The following ADHFE1 variants were observed in gnomAD, a reference collection of about 807,000 sequenced individuals.
ADHFE1 encodes alcohol dehydrogenase iron containing 1.
ADHFE1 carries 37 observed loss-of-function variants against 54.8 expected under a neutral mutation model. That is an observed-to-expected ratio of 0.68 (90% CI 0.52 to 0.89). ADHFE1 has a LOEUF of 0.89. Among genes scored for constraint, ADHFE1 ranks in the 40% least tolerant of loss-of-function variants. ADHFE1 has a pLI of 0.00. For missense variants in ADHFE1, 601 were observed against 591.2 expected (o/e 1.02, Z -0.17); for synonymous variants, 203 against 229.3 (o/e 0.89, Z 1.04).
intron 13 of ADHFE1, 127 bp from the exon 14 acceptor site, chr8:66,468,142 C>A: frequency 1.6e-6 from 1 of 624,902 alleles, no homozygotes; most frequent in Non-Finnish European, 2.8e-6. Flanking sequence ...ACAAGAAATA[C>A]CGTTTTTAAA....
intron 9 of ADHFE1, among the ~76,000 whole-genome samples, chr8:66,452,996 C>T (rs181028376): frequency 2.0e-5 from 3 of 152,336 alleles, no homozygotes; most frequent in Admixed American, 6.5e-5. Context: ...ACAAAGGAGC[C>T]TTGGAATTGC....
In ADHFE1 at chr8:66,444,728, A is replaced by C. The variant is rs1165814396; in HGVS notation, c.333A>C (p.Arg111Ser). 1 of 1,614,138 alleles carries C rather than the reference A, an allele frequency of 6.2e-7. No homozygotes were observed. The highest frequency in any genetic ancestry group is 8.5e-7 in the Non-Finnish European group (1 of 1,180,032). ...GIPFTVYDNV[R>S]VEPTDSSFME... ...CCTTTACGGTTTATGATAATGTGAG[A>C]GTGGAACCAACGGATTCAAGGTATT... Residue 111 changes from arginine to serine, a missense_variant, in exon 5 of 14, where the codon AGA becomes AGC. Coordinates refer to ENST00000396623, the MANE Select transcript of ADHFE1 (RefSeq NM_144650.3).
chr8:66,443,981 C>G (rs1805898759), intron 3 of ADHFE1, among the ~76,000 whole-genome samples: 1 of 152,166 alleles, frequency 6.6e-6, no homozygotes, highest in Admixed American at 6.5e-5. Flanking sequence ...AGAGCCTACA[C>G]AGTGCCTCGA....
intron 3 of ADHFE1, among the ~76,000 whole-genome samples, chr8:66,443,681 C>T (rs1805883726): frequency 6.6e-6 from 1 of 152,108 alleles, no homozygotes; most frequent in Admixed American, 6.6e-5. Context: ...CAGGCCCCAT[C>T]TAAGGTGTGA....
intron 13 of ADHFE1, among the ~76,000 whole-genome samples, chr8:66,462,251 T>C (rs1806939567): frequency 6.6e-6 from 1 of 152,190 alleles, no homozygotes; most frequent in African/African-American, 2.4e-5. Flanking sequence ...AGGGACACCG[T>C]AGACTGAGTG....
intron 13 of ADHFE1, among the ~76,000 whole-genome samples, chr8:66,464,190 T>C (rs1807049779): frequency 6.6e-6 from 1 of 152,210 alleles, no homozygotes; most frequent in African/African-American, 2.4e-5. Flanking sequence ...CTATAAATAA[T>C]AGCACATCAT....
intron 2 of ADHFE1, among the ~76,000 whole-genome samples, chr8:66,441,920 C>T (rs867698100): frequency 6.6e-6 from 1 of 150,388 alleles, no homozygotes; most frequent in Admixed American, 6.6e-5. Context: ...TGCAGTGAGC[C>T]GAGATCCCAC....
At chr8:66,454,296 C>A in intron 10 of ADHFE1, 139 bp downstream of exon 10, 1 of 759,400 alleles carries the variant, frequency 1.3e-6, no homozygotes, top group Admixed American at 3.5e-5. Flanking sequence ...TAAATGTATT[C>A]TTCTTTTTCT....
At chr8:66,466,558 A>ACTGGG (rs1452339180) in intron 13 of ADHFE1, among the ~76,000 whole-genome samples, 1 of 151,614 alleles carries the variant, frequency 6.6e-6, no homozygotes, top group African/African-American at 2.4e-5. Flanking sequence ...GACAAAACAA[A>ACTGGG]TACCTACTGT....
intron 9 of ADHFE1, chr8:66,453,666 G>A: frequency 7.3e-7 from 1 of 1,362,870 alleles, no homozygotes; most frequent in African/African-American, 1.5e-5. Context: ...GCGCTGGCCG[G>A]CAGGTAGCCC....
At chr8:66,463,709 A>G (rs1307774396) in intron 13 of ADHFE1, among the ~76,000 whole-genome samples, 1 of 152,228 alleles carries the variant, frequency 6.6e-6, no homozygotes, top group African/African-American at 2.4e-5. Flanking sequence ...TAGTATCTCC[A>G]GGATTTAAGG....
intron 1 of ADHFE1, among the ~76,000 whole-genome samples, chr8:66,436,794 C>A (rs1403874516): frequency 6.6e-6 from 1 of 152,134 alleles, no homozygotes; most frequent in Non-Finnish European, 1.5e-5. Flanking sequence ...CCTGAGCCGT[C>A]CAGGGTCAGG....
chr8:66,445,357 A>C lies in ADHFE1; in HGVS notation c.493A>C (p.Ser165Arg). The C allele has an allele frequency of 6.2e-7, 1 of 1,614,040 alleles. No individual in the cohort carries two copies. Among genetic ancestry groups the C allele is most frequent in the Non-Finnish European group, 8.5e-7 (1 of 1,180,016 alleles). Residue 165 changes from serine (S) to arginine (R), a missense_variant, in exon 6 of 14, where the codon AGT becomes CGT. Ser to Arg is a moderately radical substitution (Grantham distance 110). Transcript: ENST00000396623. ...TCATTCTGATTTCCTAGATTATGTC[A>C]GTGCCCCCATTGGCAAGGGAAAGCC... is the stretch of plus-strand genomic sequence containing the variant. Reference protein sequence around the residue: ...SPHSDFLDYVSAPIGKGKPVS... With the variant: ...SPHSDFLDYVRAPIGKGKPVS...
At chr8:66,434,452 C>T (rs1413785765) in intron 1 of ADHFE1, among the ~76,000 whole-genome samples, 1 of 152,180 alleles carries the variant, frequency 6.6e-6, no homozygotes, top group Non-Finnish European at 1.5e-5. Context: ...AGGGTGAATT[C>T]CTGGGGAGCA....
intron 8 of ADHFE1, among the ~76,000 whole-genome samples, chr8:66,449,226 T>C (rs558928040): frequency 6.6e-6 from 1 of 151,700 alleles, no homozygotes; most frequent in African/African-American, 2.4e-5. Flanking sequence ...GGGATGCCGC[T>C]AAAGGGGCAG....
chr8:66,457,477 CT>C (rs1806647522), intron 12 of ADHFE1, among the ~76,000 whole-genome samples: 1 of 137,344 alleles, frequency 7.3e-6, no homozygotes, highest in South Asian at 2.4e-4. Flanking sequence ...GACTCTCTCT[CT>C]CAAAAAAAAA....
intron 9 of ADHFE1, among the ~76,000 whole-genome samples, chr8:66,452,379 G>A (rs1355696975): frequency 6.6e-6 from 1 of 152,166 alleles, no homozygotes; most frequent in South Asian, 2.1e-4. Context: ...TTGAGATTTG[G>A]CTCCCCAGGG....
intron 12 of ADHFE1, among the ~76,000 whole-genome samples, chr8:66,458,372 A>G (rs1806707205): frequency 6.6e-6 from 1 of 152,206 alleles, no homozygotes; most frequent in Non-Finnish European, 1.5e-5. Flanking sequence ...ACACAAGCCC[A>G]GGGCAGAGAG....
chr8:66,440,130 G>T, intron 1 of ADHFE1, 32 bp from the exon 2 acceptor site: 1 of 1,600,716 alleles, frequency 6.2e-7, no homozygotes, highest in East Asian at 2.2e-5. Context: ...TTCACCTTAG[G>T]TTTTTTTTGC....
Sources: allele counts gnomAD v4.1 joint callset (sites outside exome capture counted in the v4.1 genomes callset), GRCh38; gene constraint gnomAD v4.1.1; transcripts MANE v1.5; gene names NCBI Gene and HGNC (gene_info 2026-07-23, HGNC 2026-07-21).